Variants in CDH12 observed in about 807,000 individuals in gnomAD.
CDH12 encodes cadherin-12.
Under a neutral mutation model 74.1 loss-of-function variants are expected in CDH12, and 41 were observed. The ratio of observed to expected loss-of-function variants is 0.55; its 90% CI spans 0.43 to 0.72. CDH12 has a LOEUF of 0.72. CDH12 is among the 30% of genes least tolerant of loss of function. The pLI is 0.00. For synonymous variants in CDH12, 399 were observed against 355.0 expected, an observed-to-expected ratio of 1.12 and a Z score of -1.39; for missense variants, 945 against 977.2, an observed-to-expected ratio of 0.97 and a Z score of 0.44.
At chr5:22,815,232 T>C (rs1431703175) in intron 1 of CDH12, among the ~76,000 whole-genome samples, 2 of 152,108 alleles carry the variant, frequency 1.3e-5, no homozygotes, top group East Asian at 1.9e-4. Flanking sequence ...GTAATGCATA[T>C]GGTTGAATTT....
At chr5:22,517,608 G>C (rs1002015029) in intron 1 of CDH12, among the ~76,000 whole-genome samples, 5 of 152,102 alleles carry the variant, frequency 3.3e-5, no homozygotes, top group African/African-American at 1.2e-4. Flanking sequence ...CAATCTTATT[G>C]GTTCTGTTTC....
At chr5:22,432,740 T>A (rs140584001) in intron 2 of CDH12, among the ~76,000 whole-genome samples, 116 of 152,304 alleles carry the variant, frequency 7.6e-4, no homozygotes, top group Middle Eastern at 6.8e-3. Context: ...ATTTCCTGTA[T>A]AATTTTTCAA....
At chr5:21,991,728 G>A (rs1378470448) in intron 5 of CDH12, among the ~76,000 whole-genome samples, 2 of 151,310 alleles carry the variant, frequency 1.3e-5, no homozygotes, top group Non-Finnish European at 3.0e-5. Flanking sequence ...CTGCCTTACC[G>A]AAGTCTTTTA....
At chr5:22,735,113 T>A (rs1284433281) in intron 1 of CDH12, among the ~76,000 whole-genome samples, 1 of 151,906 alleles carries the variant, frequency 6.6e-6, no homozygotes, top group Non-Finnish European at 1.5e-5. Context: ...AAATATGTGA[T>A]CTCTTCTGAA....
At chr5:22,053,063 G>A (rs549519110) in intron 5 of CDH12, among the ~76,000 whole-genome samples, 12 of 148,094 alleles carry the variant, frequency 8.1e-5, no homozygotes, top group East Asian at 2.0e-4. Context: ...AGGGTCTCTC[G>A]TTTTTTTTGT....
At chr5:22,568,346 G>T (rs1459035746) in intron 1 of CDH12, among the ~76,000 whole-genome samples, 1 of 152,084 alleles carries the variant, frequency 6.6e-6, no homozygotes, top group African/African-American at 2.4e-5. Context: ...GAGCATGTTG[G>T]GGTTGATATA....
chr5:22,604,640 T>C (rs1737007925), intron 1 of CDH12, among the ~76,000 whole-genome samples: 1 of 152,146 alleles, frequency 6.6e-6, no homozygotes, highest in East Asian at 1.9e-4. Context: ...AAAACCTTCA[T>C]TAAAGATAAA....
At chr5:22,641,484 C>G (rs944388882) in intron 1 of CDH12, among the ~76,000 whole-genome samples, 3 of 152,110 alleles carry the variant, frequency 2.0e-5, no homozygotes, top group Admixed American at 6.5e-5. Flanking sequence ...CTGAATCACA[C>G]ACCAATCTCC....
chr5:22,550,510 T>G (rs756786219), intron 1 of CDH12, among the ~76,000 whole-genome samples: 6 of 152,152 alleles, frequency 3.9e-5, no homozygotes, highest in Admixed American at 2.0e-4. Flanking sequence ...TTAATTCCTC[T>G]CTTTTCCTCA....
intron 5 of CDH12, among the ~76,000 whole-genome samples, chr5:22,010,752 T>A (rs1737247985): frequency 6.6e-6 from 1 of 152,196 alleles, no homozygotes; most frequent in Non-Finnish European, 1.5e-5. Context: ...CTCAGTCATC[T>A]CGACTATTTA....
At chr5:22,209,183 C>T (rs1751393875) in intron 4 of CDH12, among the ~76,000 whole-genome samples, 2 of 152,128 alleles carry the variant, frequency 1.3e-5, no homozygotes, top group South Asian at 4.1e-4. Context: ...ATTAAATTTT[C>T]CAGGTCACCT....
intron 2 of CDH12, among the ~76,000 whole-genome samples, chr5:22,416,234 C>T (rs373266557): frequency 6.9e-4 from 104 of 150,984 alleles, no homozygotes; most frequent in African/African-American, 2.0e-3. Flanking sequence ...GCCACCACGC[C>T]CGGCTAATTT....
rs566520010 is a variant in CDH12 at position 22,227,879 on chromosome 5, G to A, written c.-332-15236C>T. 8.5e-5 allele frequency among the ~76,000 whole-genome samples: 13 copies of A among 152,156 alleles called. 1 individual carries two copies. The South Asian group carries it at 2.7e-3, about 32-fold the overall frequency. ...ACATGGCACACTTGGAAATGTTTTC[G>A]TATGTAATGTGAATGCTTTCGGATT... On this transcript the variant is annotated intron_variant, in intron 3 of 14. Transcript: ENST00000382254.
chr5:22,464,840 A>G (rs576623515), intron 2 of CDH12, among the ~76,000 whole-genome samples: 2 of 152,120 alleles, frequency 1.3e-5, no homozygotes, highest in African/African-American at 4.8e-5. Flanking sequence ...CACCTCTACT[A>G]AAAATATAAA....
At chr5:22,674,578 G>A (rs916553257) in intron 1 of CDH12, among the ~76,000 whole-genome samples, 3 of 152,164 alleles carry the variant, frequency 2.0e-5, no homozygotes, top group Non-Finnish European at 2.9e-5. Context: ...CTTTAGAACT[G>A]GGTAACAGGC....
rs192031717 is a variant in CDH12 at position 22,360,812 on chromosome 5, A to G, written c.-333+44445T>C. 2.0e-5 allele frequency among the ~76,000 whole-genome samples: 3 copies of G among 152,242 alleles called. No homozygotes were observed. The East Asian group carries it at 5.8e-4, about 29-fold the overall frequency. ...AATAAACGTAATCCAGCAAATAAAC[A>G]GAACCAAAGACAAAAACCACATGAT... On this transcript the variant is annotated intron_variant, in intron 3 of 14. Coordinates refer to ENST00000382254, the MANE Select transcript of CDH12 (RefSeq NM_004061.5).
chr5:22,666,978 C>T (rs768481691), intron 1 of CDH12, among the ~76,000 whole-genome samples: 6 of 152,168 alleles, frequency 3.9e-5, no homozygotes, highest in South Asian at 2.1e-4. Flanking sequence ...CCCCAATTTG[C>T]GCTTTGGCTA....
At chr5:21,953,563 A>T (rs1348057582) in intron 6 of CDH12, among the ~76,000 whole-genome samples, 6 of 152,200 alleles carry the variant, frequency 3.9e-5, no homozygotes, top group Non-Finnish European at 8.8e-5. Flanking sequence ...ATGGTCAGGT[A>T]TGACTGGTGC....
chr5:22,577,741 C>G (rs1032093363), intron 1 of CDH12, among the ~76,000 whole-genome samples: 1 of 152,174 alleles, frequency 6.6e-6, no homozygotes, highest in Non-Finnish European at 1.5e-5. Context: ...TACTGGATTA[C>G]TGTTATTATC....
Sources: allele counts gnomAD v4.1 joint callset (sites outside exome capture counted in the v4.1 genomes callset), GRCh38; gene constraint gnomAD v4.1.1; transcripts MANE v1.5; gene names NCBI Gene and HGNC (gene_info 2026-07-23, HGNC 2026-07-21).